Variants in RPS6KC1 observed in about 807,000 individuals in gnomAD.
RPS6KC1 encodes the protein ribosomal protein S6 kinase C1.
RPS6KC1 carries 54 observed loss-of-function variants against 103.8 expected under a neutral mutation model. That is an observed-to-expected ratio of 0.52 (90% CI 0.42 to 0.65). The LOEUF is 0.65. RPS6KC1 is among the 30% of genes least tolerant of loss of function. The pLI, the probability that RPS6KC1 is intolerant of heterozygous loss-of-function variation, is 0.00. For synonymous variants in RPS6KC1, 439 were observed against 438.7 expected, an observed-to-expected ratio of 1.00 and a Z score of -0.01; for missense variants, 1,151 against 1,253.8, an observed-to-expected ratio of 0.92 and a Z score of 1.24.
At chr1:213,119,579 G>T (rs2084150545) in intron 5 of RPS6KC1, among the ~76,000 whole-genome samples, 1 of 149,762 alleles carries the variant, frequency 6.7e-6, no homozygotes, top group African/African-American at 2.5e-5. Flanking sequence ...AGAATCAAAG[G>T]TTCTGTGATA....
intron 1 of RPS6KC1, among the ~76,000 whole-genome samples, chr1:213,053,227 C>T (rs2077086609): frequency 6.6e-6 from 1 of 152,200 alleles, no homozygotes; most frequent in African/African-American, 2.4e-5. Flanking sequence ...TAATGTTTCT[C>T]TCACAGCATC....
At chr1:213,414,424 G>A in the RPS6KC1 span, among the ~76,000 whole-genome samples, 2 of 152,186 alleles carry the variant, frequency 1.3e-5, no homozygotes, top group Admixed American at 6.5e-5. Context: ...AATCCCATGA[G>A]TGTCCTCACA....
In RPS6KC1 at chr1:213,114,351, GCT is replaced by G. The variant is rs2083345981; in HGVS notation, c.379-2961_379-2960del. 5.3e-5 allele frequency among the ~76,000 whole-genome samples: 3 copies of G among 56,566 alleles called. 1 individual carries two copies. The South Asian group carries it at 1.5e-3, about 29-fold the overall frequency. 37.1% of individuals were successfully genotyped at this position (56,566 alleles called of 152,430 possible). A position where few individuals can be genotyped will look rare whatever the true frequency, so the allele number is the denominator to read the frequency against. ...TGAATGGGAGTTCACTCATGATTTG[GCT>G]CTCTGTCTGTTGTTGGTGTATAAGA... On this transcript the variant is annotated intron_variant, in intron 4 of 14. Coordinates refer to ENST00000366960, the MANE Select transcript of RPS6KC1 (RefSeq NM_012424.6).
At chr1:213,379,959 G>A in the RPS6KC1 span, among the ~76,000 whole-genome samples, 2 of 152,130 alleles carry the variant, frequency 1.3e-5, no homozygotes. Context: ...ATTCGATCCA[G>A]TGATCCCATG....
chr1:213,124,000 G>T (rs1036462350), intron 5 of RPS6KC1, among the ~76,000 whole-genome samples: 2 of 152,116 alleles, frequency 1.3e-5, no homozygotes, highest in Admixed American at 6.6e-5. Flanking sequence ...TTCAGAGATG[G>T]TGTCCTAGAC....
At chr1:213,357,841 C>T in the RPS6KC1 span, among the ~76,000 whole-genome samples, 1 of 152,192 alleles carries the variant, frequency 6.6e-6, no homozygotes. Context: ...ACCTGGCTGG[C>T]TCTTGTGTGG....
the RPS6KC1 span, among the ~76,000 whole-genome samples, chr1:213,523,084 A>C: frequency 6.6e-6 from 1 of 152,194 alleles, no homozygotes; most frequent in Non-Finnish European, 1.5e-5. Flanking sequence ...CTTTCACTTG[A>C]GCAATTACAG....
intron 7 of RPS6KC1, among the ~76,000 whole-genome samples, chr1:213,174,772 G>A (rs979433993): frequency 1.3e-5 from 2 of 151,378 alleles, no homozygotes; most frequent in South Asian, 2.1e-4. Context: ...CCCTAAAAAG[G>A]TTCCCCTTAG....
At chr1:213,321,305 C>T in the RPS6KC1 span, among the ~76,000 whole-genome samples, 1 of 152,098 alleles carries the variant, frequency 6.6e-6, no homozygotes, top group Non-Finnish European at 1.5e-5. Flanking sequence ...ATCAGCAATT[C>T]CCACCGTATA....
the RPS6KC1 span, among the ~76,000 whole-genome samples, chr1:213,386,451 C>T: frequency 4.6e-5 from 7 of 152,288 alleles, no homozygotes; most frequent in African/African-American, 1.4e-4. Context: ...AGGATGAGAT[C>T]GATGAAGTGC....
At chr1:213,343,936 C>A in the RPS6KC1 span, among the ~76,000 whole-genome samples, 5 of 152,096 alleles carry the variant, frequency 3.3e-5, no homozygotes, top group African/African-American at 9.7e-5. Flanking sequence ...CTTTCTACTT[C>A]TAAGGAAGAA....
At chr1:213,165,719 G>A (rs1233554017) in intron 6 of RPS6KC1, among the ~76,000 whole-genome samples, 11 of 152,068 alleles carry the variant, frequency 7.2e-5, no homozygotes, top group Non-Finnish European at 1.3e-4. Context: ...CACCGCGCCC[G>A]GCCAGTTTTA....
chr1:213,325,077 C>G, the RPS6KC1 span, among the ~76,000 whole-genome samples: 1 of 152,156 alleles, frequency 6.6e-6, no homozygotes, highest in African/African-American at 2.4e-5. Context: ...TTCCATCATC[C>G]CTCACTGTAG....
At chr1:213,789,541 A>G in the RPS6KC1 span, among the ~76,000 whole-genome samples, 1 of 152,188 alleles carries the variant, frequency 6.6e-6, no homozygotes, top group Non-Finnish European at 1.5e-5. Flanking sequence ...ATGTGAGCAC[A>G]TAGCCCATGC....
chr1:213,461,370 T>C, the RPS6KC1 span, among the ~76,000 whole-genome samples: 2 of 152,204 alleles, frequency 1.3e-5, no homozygotes, highest in Non-Finnish European at 2.9e-5. Flanking sequence ...AAGTAATTTA[T>C]AGATTCAATG....
intron 12 of RPS6KC1, among the ~76,000 whole-genome samples, chr1:213,254,367 C>A (rs1402782385): frequency 6.6e-6 from 1 of 152,114 alleles, no homozygotes; most frequent in Non-Finnish European, 1.5e-5. Flanking sequence ...GATTTAGTGA[C>A]CCTGATTCAT....
chr1:213,595,627 T>C, the RPS6KC1 span, among the ~76,000 whole-genome samples: 1 of 152,230 alleles, frequency 6.6e-6, no homozygotes, highest in African/African-American at 2.4e-5. Flanking sequence ...ACAGTGGTTT[T>C]GCTGGACCAG....
chr1:213,616,403 A>C, the RPS6KC1 span, among the ~76,000 whole-genome samples: 1,394 of 152,324 alleles, frequency 9.2e-3, 32 homozygotes, highest in African/African-American at 0.032. Flanking sequence ...TGAGAAGACC[A>C]CTGCGGTGGG....
chr1:213,286,651 A>G, the RPS6KC1 span, among the ~76,000 whole-genome samples: 1 of 152,244 alleles, frequency 6.6e-6, no homozygotes, highest in Non-Finnish European at 1.5e-5. Flanking sequence ...AATGAGAGGT[A>G]GAGTGTCTTT....
Sources: gnomAD v4.1 joint callset for allele counts (sites outside exome capture counted in the v4.1 genomes callset) on GRCh38, gnomAD v4.1.1 for gene constraint, MANE v1.5 for transcripts, NCBI Gene and HGNC (gene_info 2026-07-23, HGNC 2026-07-21) for gene names.